The following RBFOX1 variants were observed in gnomAD, a reference collection of about 807,000 sequenced individuals.
The protein encoded by RBFOX1 is RNA binding protein fox-1 homolog 1.
RBFOX1 carries 8 observed loss-of-function variants against 57.7 expected under a neutral mutation model. The ratio of observed to expected loss-of-function variants is 0.14; its 90% CI spans 0.08 to 0.25. RBFOX1 has a LOEUF of 0.25. Among genes scored for constraint, RBFOX1 ranks in the 10% least tolerant of loss-of-function variants. RBFOX1 has a pLI of 1.00. For missense variants in RBFOX1, 611 were observed against 548.5 expected, an observed-to-expected ratio of 1.11 and a Z score of -1.14; for synonymous variants, 326 against 222.4, an observed-to-expected ratio of 1.47 and a Z score of -4.15.
intron 2 of RBFOX1, among the ~76,000 whole-genome samples, chr16:6,387,974 ATTTTTTTTTTT>A (rs61603572): frequency 2.4e-5 from 2 of 84,150 alleles, no homozygotes; most frequent in Non-Finnish European, 2.1e-5. Flanking sequence ...TTTGTGGAAC[ATTTTTTTTTTT>A]TTTTTTTTTT....
intron 4 of RBFOX1, among the ~76,000 whole-genome samples, chr16:7,056,662 C>G (rs546364887): frequency 2.0e-5 from 3 of 152,132 alleles, no homozygotes; most frequent in Non-Finnish European, 4.4e-5. Context: ...GTGGGAGATT[C>G]CAAAGCCCAC....
chr16:5,299,081 A>C lies in RBFOX1; in HGVS notation c.219+58976A>C, dbSNP rs113230477. Among the ~76,000 whole-genome samples, 929 of 149,940 alleles carry C rather than the reference A, an allele frequency of 6.2e-3. 11 individuals carry two copies. The highest frequency in any genetic ancestry group is 0.022 in the African/African-American group (877 of 40,706). Reference sequence around the variant, plus strand: ...GAAAATTCTTTCATAGCCCTTTCACACAACCCTGTCGCCTTCCAGGGGCAA... The same window carrying C: ...GAAAATTCTTTCATAGCCCTTTCACCCAACCCTGTCGCCTTCCAGGGGCAA... On this transcript the variant is annotated intron_variant, in intron 1 of 2. Transcript: ENST00000585867.
intron 4 of RBFOX1, among the ~76,000 whole-genome samples, chr16:5,964,615 C>G (rs536399830): frequency 6.6e-6 from 1 of 151,920 alleles, no homozygotes; most frequent in African/African-American, 2.4e-5. Context: ...ATATATATAT[C>G]TCACATATAC....
chr16:6,797,024 G>C (rs1050806230), intron 3 of RBFOX1, among the ~76,000 whole-genome samples: 1 of 152,128 alleles, frequency 6.6e-6, no homozygotes, highest in East Asian at 1.9e-4. Context: ...TCAAGATTTG[G>C]ACTGCTGGTC....
intron 3 of RBFOX1, among the ~76,000 whole-genome samples, chr16:6,919,369 C>T (rs1025822024): frequency 6.6e-6 from 1 of 152,172 alleles, no homozygotes; most frequent in South Asian, 2.1e-4. Flanking sequence ...TCACAACAGC[C>T]CAGCAGTTTA....
chr16:7,297,195 C>G (rs559363648), intron 4 of RBFOX1, among the ~76,000 whole-genome samples: 8 of 152,054 alleles, frequency 5.3e-5, no homozygotes, highest in African/African-American at 1.9e-4. Context: ...CTTGTAGGAA[C>G]AAAAAAGGAC....
intron 3 of RBFOX1, among the ~76,000 whole-genome samples, chr16:6,962,222 C>A (rs1380505477): frequency 6.6e-6 from 1 of 152,126 alleles, no homozygotes; most frequent in Admixed American, 6.5e-5. Context: ...TGCACATGGC[C>A]TTCTTTCCTA....
At chr16:5,673,669 G>T (rs2050082168) in intron 3 of RBFOX1, among the ~76,000 whole-genome samples, 1 of 152,142 alleles carries the variant, frequency 6.6e-6, no homozygotes, top group African/African-American at 2.4e-5. Flanking sequence ...TTCCATCTTT[G>T]ACTTGCATTT....
At position 6,314,458 on chromosome 16, in the gene RBFOX1, G is replaced by T. The variant is rs189430082; in HGVS notation, c.-126-2537G>T. Among the ~76,000 whole-genome samples the T allele has an allele frequency of 2.6e-4, 39 of 152,308 alleles. No homozygotes were observed. The East Asian group carries it at 6.9e-3, about 27-fold the overall frequency. ...TGGAAGGGTCAATGAAAGTTACAGA[G>T]AGCACGCTTGGGTAGATGTTCAAGT... On this transcript the variant is annotated intron_variant, in intron 1 of 15. Transcript: ENST00000550418.
At chr16:5,951,652 T>A (rs2059522145) in intron 4 of RBFOX1, among the ~76,000 whole-genome samples, 2 of 152,042 alleles carry the variant, frequency 1.3e-5, no homozygotes, top group East Asian at 1.9e-4. Flanking sequence ...GCAGAAACAG[T>A]CCCTGCACTG....
chr16:7,571,156 C>T (rs564958161), intron 5 of RBFOX1, among the ~76,000 whole-genome samples: 2 of 152,086 alleles, frequency 1.3e-5, no homozygotes, highest in South Asian at 4.2e-4. Flanking sequence ...AGCAAATCAC[C>T]ATGGCACACG....
At chr16:6,879,427 C>G (rs1365832013) in intron 3 of RBFOX1, among the ~76,000 whole-genome samples, 1 of 152,104 alleles carries the variant, frequency 6.6e-6, no homozygotes, top group Non-Finnish European at 1.5e-5. Flanking sequence ...AGAATTTTCC[C>G]TTTACTTTAA....
At chr16:6,963,463 T>A (rs890369016) in intron 3 of RBFOX1, among the ~76,000 whole-genome samples, 4 of 152,174 alleles carry the variant, frequency 2.6e-5, no homozygotes, top group African/African-American at 9.7e-5. Flanking sequence ...TCTCATGCTG[T>A]CTGAACCACT....
At chr16:7,335,994 A>G (rs1178706668) in intron 4 of RBFOX1, among the ~76,000 whole-genome samples, 3 of 152,238 alleles carry the variant, frequency 2.0e-5, no homozygotes, top group Non-Finnish European at 4.4e-5. Context: ...AGTGCATTGT[A>G]CAAATATTGG....
At chr16:6,181,116 A>T (rs984431786) in intron 1 of RBFOX1, among the ~76,000 whole-genome samples, 1 of 152,162 alleles carries the variant, frequency 6.6e-6, no homozygotes, top group Non-Finnish European at 1.5e-5. Context: ...TTCAGGATTA[A>T]TCTGAAATGT....
intron 4 of RBFOX1, among the ~76,000 whole-genome samples, chr16:7,218,053 A>G (rs937424796): frequency 7.0e-6 from 1 of 143,348 alleles, no homozygotes; most frequent in Non-Finnish European, 1.5e-5. Flanking sequence ...GTGCATTTGC[A>G]TGCGTGTGCG....
At chr16:6,215,720 G>A (rs2097331715) in intron 1 of RBFOX1, among the ~76,000 whole-genome samples, 1 of 152,032 alleles carries the variant, frequency 6.6e-6, no homozygotes, top group African/African-American at 2.4e-5. Flanking sequence ...TGATCTGTGG[G>A]CACATCTCAT....
chr16:7,421,663 A>G (rs1350840487), intron 4 of RBFOX1, among the ~76,000 whole-genome samples: 3 of 152,238 alleles, frequency 2.0e-5, no homozygotes, highest in Non-Finnish European at 4.4e-5. Flanking sequence ...CTCAGTGCTT[A>G]CTGTCCCATT....
rs1555640312 is a variant in RBFOX1, at chr16:6,931,340, T to TATCCCTATCTACAC, written c.-15-120716_-15-120715insTCCCTATCTACACA. Among the ~76,000 whole-genome samples, 256 of 106,990 alleles carry TATCCCTATCTACAC rather than the reference T, an allele frequency of 2.4e-3. 2 individuals are homozygous for TATCCCTATCTACAC. The highest frequency in any genetic ancestry group is 8.2e-3 in the African/African-American group (247 of 30,186). The allele number at this position is 106,990 out of a possible 152,430, so 70.2% of individuals were successfully genotyped here. ...ATCTATCTATCTATCTATCTATCTC[T>TATCCCTATCTACAC]ACACACACACACACACACACACATA... On this transcript the variant is annotated intron_variant, in intron 3 of 15. Transcript: ENST00000550418.
Sources: allele counts gnomAD v4.1 joint callset (sites outside exome capture counted in the v4.1 genomes callset), GRCh38; gene constraint gnomAD v4.1.1; transcripts MANE v1.5; gene names NCBI Gene and HGNC (gene_info 2026-07-23, HGNC 2026-07-21).